MASP1: variants seen among roughly 807,000 people sequenced by gnomAD.
MASP1 encodes MBL associated serine protease 1.
Under a neutral mutation model 77.1 loss-of-function variants are expected in MASP1, and 59 were observed. The ratio of observed to expected loss-of-function variants is 0.77; its 90% CI spans 0.62 to 0.95. The LOEUF is 0.95. Ranked by LOEUF, MASP1 falls within the 40% of genes least tolerant of loss-of-function variation. The pLI is 0.00. For synonymous variants in MASP1, 362 were observed against 354.5 expected (o/e 1.02, Z -0.24); for missense variants, 885 against 912.9 (o/e 0.97, Z 0.39).
chr3:187,260,553 G>A (rs1365882343), intron 4 of MASP1, among the ~76,000 whole-genome samples, 188 bp downstream of exon 4: 2 of 152,158 alleles, frequency 1.3e-5, no homozygotes, highest in African/African-American at 4.8e-5. Context: ...CTCTCCTTTG[G>A]GAACCCAAGA....
At chr3:187,240,509 A>G (rs1164997145) in intron 10 of MASP1, among the ~76,000 whole-genome samples, 1 of 152,184 alleles carries the variant, frequency 6.6e-6, no homozygotes, top group Non-Finnish European at 1.5e-5. Context: ...CTATGTTGTG[A>G]ATATTAAATT....
At position 187,235,945 on chromosome 3, in the gene MASP1, G is replaced by A. The variant is rs751144921; in HGVS notation, c.1926C>T (p.Ser642=). Residue 642 remains serine (S), a synonymous_variant, in exon 11 of 11, where the codon AGC becomes AGT. Transcript: ENST00000296280. ...CAGCACAGAACATGTTCTCCGTGAC[G>A]CTGTAATTGCCCGAGCGGGACTCAT... ...TSYESRSGNY[S]VTENMFCAGY... The A allele has an allele frequency of 1.1e-5, 18 of 1,614,130 alleles. No individual in the cohort carries two copies. The highest frequency in any genetic ancestry group is 4.4e-5 in the South Asian group (4 of 91,092).
At chr3:187,269,535 GAGTCAAGAT>G (rs1431004049) in intron 2 of MASP1, among the ~76,000 whole-genome samples, 1 of 152,182 alleles carries the variant, frequency 6.6e-6, no homozygotes, top group African/African-American at 2.4e-5. Context: ...GCCAGAGGCA[GAGTCAAGAT>G]CAGAGGCAAG....
chr3:187,235,199 A>G lies in MASP1; in HGVS notation c.*485T>C, dbSNP rs765052426. On this transcript the variant is annotated 3_prime_UTR_variant, in exon 11 of 11. Coordinates refer to ENST00000296280, the MANE Select transcript of MASP1 (RefSeq NM_139125.4). Reference sequence around the variant, plus strand: ...TGAATGCTCTTCTCCTAGAGGAAGGATTAGGCCAAGGCTAGTCCCAGAAGG... The same window carrying G: ...TGAATGCTCTTCTCCTAGAGGAAGGGTTAGGCCAAGGCTAGTCCCAGAAGG... The G allele has an allele frequency of 4.7e-6, 6 of 1,288,214 alleles. No homozygotes were observed. Among genetic ancestry groups the G allele is most frequent in the Non-Finnish European group, 5.1e-6 (5 of 989,480 alleles). The allele number at this position is 1,288,214 out of a possible 1,614,324, so 79.8% of individuals were successfully genotyped here.
chr3:187,247,457 A>C (rs1179090582), intron 8 of MASP1: 30 of 1,559,136 alleles, frequency 1.9e-5, no homozygotes, highest in African/African-American at 2.7e-5. Context: ...GAAGAGAAAG[A>C]GAGAGAGATT....
In MASP1 at chr3:187,234,241, C is replaced by T. The variant is rs1258038263; in HGVS notation, c.*1443G>A. ...AGACAAAGGAGTGTGTTTGATGAGC[C>T]GGTTGAGAAAGTGGACACTTCCCAA... On this transcript the variant is annotated 3_prime_UTR_variant, in exon 11 of 11. Transcript: ENST00000296280. The T allele has an allele frequency of 2.5e-5, 32 of 1,287,064 alleles. No homozygotes were observed. The East Asian group carries it at 2.8e-4, about 11-fold the overall frequency. The allele number at this position is 1,287,064 out of a possible 1,614,324, so 79.7% of individuals were successfully genotyped here.
chr3:187,256,599 T>G, intron 5 of MASP1, 65 bp downstream of exon 5: 1 of 1,517,572 alleles, frequency 6.6e-7, no homozygotes, highest in Non-Finnish European at 9.1e-7. Context: ...TTCCGCAATA[T>G]CAATTTTCCC....
intron 14 of MASP1, among the ~76,000 whole-genome samples, chr3:187,221,901 G>C (rs1335314622): frequency 6.6e-6 from 1 of 152,172 alleles, no homozygotes; most frequent in Non-Finnish European, 1.5e-5. Flanking sequence ...CAGTGTGGGG[G>C]TAACTGTTGG....
At chr3:187,233,860 T>C (rs1324465921), downstream of MASP1, among the ~76,000 whole-genome samples, 1 of 152,208 alleles carries the variant, frequency 6.6e-6, no homozygotes. Context: ...AGGACTTAAA[T>C]GGCAGGCACT....
chr3:187,247,681 C>A (rs1714212244), intron 8 of MASP1, among the ~76,000 whole-genome samples: 1 of 152,184 alleles, frequency 6.6e-6, no homozygotes, highest in Non-Finnish European at 1.5e-5. Context: ...CTGGTCCAAA[C>A]CCTCACTTGA....
At position 187,252,993 on chromosome 3, in the gene MASP1, T is replaced by A. The variant is rs536002496; in HGVS notation, c.892+175A>T. Among the ~76,000 whole-genome samples, 100 of 152,298 alleles carry A rather than the reference T, an allele frequency of 6.6e-4. 1 individual carries two copies. Among genetic ancestry groups the A allele is most frequent in the African/African-American group, 2.4e-3 (98 of 41,566 alleles). On this transcript the variant is annotated intron_variant, in intron 6 of 10. Coordinates refer to ENST00000296280, the MANE Select transcript of MASP1 (RefSeq NM_139125.4). ...CATTATTGTTGCCCTTGCCCCCATTTTATAGATGGAAAACTGAGTCAGGAG... is the reference window on the plus strand; with the variant it reads ...CATTATTGTTGCCCTTGCCCCCATTATATAGATGGAAAACTGAGTCAGGAG...
At chr3:187,261,980 A>G (rs1357134) in intron 3 of MASP1, among the ~76,000 whole-genome samples, 60,268 of 152,088 alleles carry the variant, frequency 0.4, 12,102 homozygotes, top group African/African-American at 0.42. Flanking sequence ...CCCAAAATGT[A>G]TTCTGTATGT....
chr3:187,247,517 C>T (rs1560249419), intron 8 of MASP1: 1 of 1,002,494 alleles, frequency 1.0e-6, no homozygotes, highest in Non-Finnish European at 1.6e-6. Flanking sequence ...AATTACTCCA[C>T]CAGAATTGAT....
intron 2 of MASP1, among the ~76,000 whole-genome samples, chr3:187,272,168 G>C (rs1287800826): frequency 6.6e-6 from 1 of 152,138 alleles, no homozygotes; most frequent in African/African-American, 2.4e-5. Flanking sequence ...ACAGGAAAGG[G>C]AGAGAGACAG....
At chr3:187,255,445 C>A (rs1051486388) in intron 5 of MASP1, among the ~76,000 whole-genome samples, 4 of 152,214 alleles carry the variant, frequency 2.6e-5, no homozygotes, top group Non-Finnish European at 4.4e-5. Context: ...TCAGCTGACA[C>A]CTTGATTTCA....
chr3:187,267,819 C>G (rs1327797207), intron 2 of MASP1, among the ~76,000 whole-genome samples: 2 of 152,226 alleles, frequency 1.3e-5, no homozygotes. Context: ...TCCACCCATG[C>G]CAGGGCTTTA....
At chr3:187,239,187 T>TAAA (rs4012004) in intron 10 of MASP1, among the ~76,000 whole-genome samples, 6 of 123,212 alleles carry the variant, frequency 4.9e-5, no homozygotes, top group African/African-American at 1.5e-4. Flanking sequence ...TACTAAAAAT[T>TAAA]AAAAAAAAAA....
Position 187,260,061 on chromosome 3 carries a change from A to G in MASP1, c.547+680T>C, listed in dbSNP as rs555966712. On this transcript the variant is annotated intron_variant, in intron 4 of 10. Coordinates refer to ENST00000296280, the MANE Select transcript of MASP1 (RefSeq NM_139125.4). ...TGTGCTATGTCCATACTTCCATTAC[A>G]TAAATGTAATGGAAACATTAATGTT... Among the ~76,000 whole-genome samples, 24 of 152,298 alleles carry G rather than the reference A, an allele frequency of 1.6e-4. No homozygotes were observed. The South Asian group carries it at 5.0e-3, about 32-fold the overall frequency.
At chr3:187,256,910 C>A (rs200050859) in intron 4 of MASP1, 50 bp from the exon 5 acceptor site, 25 of 1,521,786 alleles carry the variant, frequency 1.6e-5, no homozygotes, top group Non-Finnish European at 2.0e-5. Context: ...ACAGCCATAG[C>A]AAGCCTGGCT....
Sources: allele counts gnomAD v4.1 joint callset (sites outside exome capture counted in the v4.1 genomes callset), GRCh38; gene constraint gnomAD v4.1.1; transcripts MANE v1.5; gene names NCBI Gene and HGNC (gene_info 2026-07-23, HGNC 2026-07-21).